RAD51B: variants seen among roughly 807,000 people sequenced by gnomAD.
RAD51B encodes RAD51 paralog B.
RAD51B carries 38 observed loss-of-function variants against 42.2 expected under a neutral mutation model. The observed-to-expected ratio is 0.90, with a 90% CI of 0.70 to 1.18. The LOEUF (loss-of-function observed/expected upper bound fraction) is 1.18, where lower values mean the gene tolerates loss of function less well. Among genes scored for constraint, RAD51B ranks in the 50% most tolerant of loss-of-function variants. The pLI is 0.00. For missense variants in RAD51B, 373 were observed against 400.7 expected, an observed-to-expected ratio of 0.93 and a Z score of 0.59; for synonymous variants, 154 against 145.2, an observed-to-expected ratio of 1.06 and a Z score of -0.43.
chr14:67,904,902 A>T, intron 7 of RAD51B, among the ~76,000 whole-genome samples: 1 of 139,668 alleles, frequency 7.2e-6, no homozygotes, highest in East Asian at 2.0e-4. Context: ...GTTGTAACAG[A>T]TCTCTTTCAT....
chr14:68,677,508 A>G (rs1466874708), intron 11 of RAD51B, among the ~76,000 whole-genome samples: 1 of 152,168 alleles, frequency 6.6e-6, no homozygotes, highest in Non-Finnish European at 1.5e-5. Flanking sequence ...ATCTTCCTGG[A>G]AGTAAAATTA....
intron 7 of RAD51B, among the ~76,000 whole-genome samples, chr14:68,063,219 TTTTG>T (rs1377470802): frequency 1.3e-5 from 2 of 152,188 alleles, no homozygotes; most frequent in African/African-American, 4.8e-5. Flanking sequence ...TAAGTCTCTA[TTTTG>T]TTTATTTTTG....
At chr14:68,659,744 G>A (rs1330598350) in intron 11 of RAD51B, among the ~76,000 whole-genome samples, 2 of 152,326 alleles carry the variant, frequency 1.3e-5, no homozygotes, top group East Asian at 1.9e-4. Context: ...CAGCTGCTGG[G>A]GCCCTATGGG....
chr14:68,107,905 A>G (rs769304149), intron 7 of RAD51B, among the ~76,000 whole-genome samples: 22 of 151,850 alleles, frequency 1.4e-4, no homozygotes, highest in Non-Finnish European at 1.5e-5. Flanking sequence ...GTCCACAGAA[A>G]AGAAGAAAGT....
At chr14:68,015,968 T>C (rs1321689843) in intron 7 of RAD51B, among the ~76,000 whole-genome samples, 1 of 152,252 alleles carries the variant, frequency 6.6e-6, no homozygotes, top group Non-Finnish European at 1.5e-5. Context: ...ATGGCAATTA[T>C]TATTTTCTAT....
At chr14:68,120,656 C>T (rs959498322) in intron 7 of RAD51B, among the ~76,000 whole-genome samples, 1 of 152,026 alleles carries the variant, frequency 6.6e-6, no homozygotes, top group Non-Finnish European at 1.5e-5. Context: ...CTTAGTTTGC[C>T]AACTGAGGGT....
intron 8 of RAD51B, among the ~76,000 whole-genome samples, chr14:68,328,816 A>G (rs1170863346): frequency 6.6e-6 from 1 of 152,166 alleles, no homozygotes; most frequent in East Asian, 1.9e-4. Flanking sequence ...GTACAGTGAA[A>G]GCCTGTAGCC....
At chr14:68,364,228 G>A (rs989576954) in intron 8 of RAD51B, among the ~76,000 whole-genome samples, 1 of 151,734 alleles carries the variant, frequency 6.6e-6, no homozygotes, top group African/African-American at 2.4e-5. Context: ...CTCCCTCTGC[G>A]CCCACTCCTC....
intron 10 of RAD51B, chr14:68,497,545 A>C: frequency 9.6e-7 from 1 of 1,045,130 alleles, no homozygotes. Context: ...TGAAATTTAT[A>C]TAAGATGAAA....
chr14:68,568,238 TG>T (rs1259766144), intron 10 of RAD51B, among the ~76,000 whole-genome samples: 2 of 152,002 alleles, frequency 1.3e-5, no homozygotes, highest in African/African-American at 4.8e-5. Flanking sequence ...GATAGAAACA[TG>T]GGTAAAGGAG....
In RAD51B at chr14:67,835,130, A is replaced by G. The variant is rs1490199617; in HGVS notation, c.249A>G (p.Leu83=). Residue 83 remains leucine, a synonymous_variant, in exon 4 of 11, where the codon TTA becomes TTG. Coordinates refer to ENST00000471583, the MANE Select transcript of RAD51B (RefSeq NM_133510.4). ...CTGCTGATTTCTCACCAGCATTCTT[A>G]TCTACTACCCTTTCTGCTTTGGACG... ...QRSADFSPAF[L]STTLSALDEA... 1.9e-6 allele frequency: 3 copies of G among 1,614,096 alleles called. No individual in the cohort carries two copies. The highest frequency in any genetic ancestry group is 2.2e-5 in the East Asian group (1 of 44,876).
At chr14:68,502,303 G>T (rs1462964441) in intron 10 of RAD51B, among the ~76,000 whole-genome samples, 3 of 152,224 alleles carry the variant, frequency 2.0e-5, no homozygotes, top group Admixed American at 6.5e-5. Context: ...AGACGCTGGA[G>T]ATGGGAGGTC....
intron 7 of RAD51B, among the ~76,000 whole-genome samples, chr14:68,253,153 AAAG>A (rs556128394): frequency 6.4e-4 from 98 of 152,272 alleles, no homozygotes; most frequent in Non-Finnish European, 1.2e-3. Context: ...AGAAAAATAT[AAAG>A]AAGAAATAAA....
At chr14:68,514,251 C>T (rs1885967853) in intron 10 of RAD51B, among the ~76,000 whole-genome samples, 1 of 152,140 alleles carries the variant, frequency 6.6e-6, no homozygotes, top group East Asian at 1.9e-4. Context: ...ACTTCCTTAC[C>T]AACCCTCAGC....
intron 7 of RAD51B, among the ~76,000 whole-genome samples, chr14:67,901,627 C>T (rs924572656): frequency 2.0e-5 from 3 of 152,098 alleles, no homozygotes; most frequent in Non-Finnish European, 4.4e-5. Context: ...GTAGAAGGTA[C>T]CCAGAATCAC....
chr14:68,006,100 C>G (rs549118713), intron 7 of RAD51B, among the ~76,000 whole-genome samples: 1 of 152,304 alleles, frequency 6.6e-6, no homozygotes, highest in East Asian at 1.9e-4. Context: ...CAAACACCTT[C>G]CACCAGGCCC....
intron 10 of RAD51B, among the ~76,000 whole-genome samples, chr14:68,470,197 T>G (rs992806761): frequency 6.6e-6 from 1 of 152,086 alleles, no homozygotes; most frequent in Non-Finnish European, 1.5e-5. Context: ...CAACAACCAG[T>G]AAATAAAATG....
chr14:68,017,075 C>T (rs2075788296), intron 7 of RAD51B, among the ~76,000 whole-genome samples: 1 of 151,988 alleles, frequency 6.6e-6, no homozygotes, highest in African/African-American at 2.4e-5. Context: ...TTCCAAATTT[C>T]TAATAATGAG....
chr14:67,960,623 T>C (rs573944954), intron 7 of RAD51B, among the ~76,000 whole-genome samples: 4 of 152,320 alleles, frequency 2.6e-5, no homozygotes, highest in African/African-American at 9.6e-5. Flanking sequence ...AGAACTTAGA[T>C]ATATTAATTA....
Sources: gnomAD v4.1 joint callset for allele counts (sites outside exome capture counted in the v4.1 genomes callset) on GRCh38, gnomAD v4.1.1 for gene constraint, MANE v1.5 for transcripts, NCBI Gene and HGNC (gene_info 2026-07-23, HGNC 2026-07-21) for gene names.